Variants in CP observed in about 807,000 individuals in gnomAD.
CP encodes caeruloplasmin.
In CP, 64 loss-of-function variants were observed where a neutral mutation model predicts 122.4. The ratio of observed to expected loss-of-function variants is 0.52; its 90% CI spans 0.43 to 0.64. The LOEUF is 0.64. CP is among the 30% of genes least tolerant of loss of function. The pLI is 0.00. For missense variants in CP, 1,167 were observed against 1,284.4 expected (o/e 0.91, Z 1.40); for synonymous variants, 440 against 436.4 (o/e 1.01, Z -0.10).
At chr3:149,162,776 G>A in exon 6 of CP, 1 of 1,613,830 alleles carries the variant, frequency 6.2e-7, no homozygotes, top group East Asian at 2.2e-5. Context: ...TCCCAGATGT[G>A]GTACTTCAGG....
In CP at chr3:149,181,987, C is replaced by CGGGGGGGGGGG; in HGVS notation, c.2554+17_2554+18insCCCCCCCCCCC. 1 of 610,076 alleles carries CGGGGGGGGGGG rather than the reference C, an allele frequency of 1.6e-6. No homozygotes were observed. Among genetic ancestry groups the CGGGGGGGGGGG allele is most frequent in the Non-Finnish European group, 3.0e-6 (1 of 338,226 alleles). The allele number at this position is 610,076 out of a possible 1,614,324, so 37.8% of individuals were successfully genotyped here. A position where few individuals can be genotyped will look rare whatever the true frequency, so the allele number is the denominator to read the frequency against. Reference sequence around the variant, plus strand: ...GCCTGTTAAAATGCACCACCCCCACCCCCGCCCCCGTGAGTACCTGGTAAT... The same window carrying CGGGGGGGGGGG: ...GCCTGTTAAAATGCACCACCCCCACCGGGGGGGGGGGCCCGCCCCCGTGAGTACCTGGTAAT... On this transcript the variant is annotated intron_variant, in intron 14 of 18. Transcript: ENST00000264613.
At chr3:149,209,102 G>T in intron 4 of CP, 109 bp downstream of exon 4, 1 of 1,380,918 alleles carries the variant, frequency 7.2e-7, no homozygotes, top group Non-Finnish European at 1.0e-6. Context: ...TTTGTTATAA[G>T]GACCACAGAC....
chr3:149,168,219 A>G, downstream of CP: 1 of 472,426 alleles, frequency 2.1e-6, no homozygotes, highest in East Asian at 3.9e-5. Context: ...TTAACAAATT[A>G]TCACAGTCAT....
At chr3:149,167,827 AT>A (rs1191023442), downstream of CP, 4 of 959,100 alleles carry the variant, frequency 4.2e-6, no homozygotes, top group East Asian at 9.6e-5. Flanking sequence ...CAATCTTCTT[AT>A]TCTCCTTTGA....
chr3:149,186,526 T>C lies in CP; in HGVS notation c.2071A>G (p.Thr691Ala), dbSNP rs895649892. 2 of 1,614,176 alleles carry C rather than the reference T, an allele frequency of 1.2e-6. No homozygotes were observed. Among genetic ancestry groups the C allele is most frequent in the African/African-American group, 2.7e-5 (2 of 75,064 alleles). Residue 691 changes from threonine (T) to alanine (A), a missense_variant, in exon 11 of 19, where the codon ACA becomes GCA. This residue lies in a region of CP where 525 missense variants were observed against 657.2 expected (regional missense o/e 0.80). Coordinates refer to ENST00000264613, the MANE Select transcript of CP (RefSeq NM_000096.4). Reference sequence around the variant, plus strand: ...TGGCTTTAAGTAAATATACCCTCTGTGTCAGGCCACATGTGGAGCGTAAGA... The same window carrying C: ...TGGCTTTAAGTAAATATACCCTCTGCGTCAGGCCACATGTGGAGCGTAAGA... ...TSLTLHMWPD[T>A]EGTFNVECLT...
chr3:149,209,162 T>C lies in CP; in HGVS notation c.781+49A>G, dbSNP rs1029532015. 4.3e-6 allele frequency: 7 copies of C among 1,609,656 alleles called. No individual in the cohort carries two copies. In the African/African-American group the frequency reaches 5.3e-5, roughly 12 times the overall value. On this transcript the variant is annotated intron_variant, in intron 4 of 18. Transcript: ENST00000264613. The stretch of plus-strand genomic sequence containing the variant: ...GAGGGAATAAGCTTAGCAGAATTAA[T>C]GGATCAAGGGAAAAAAAAGTAAAGT...
intron 14 of CP, 30 bp downstream of exon 14, chr3:149,181,975 C>CTGGGGGGGGGGGGGGGGG: frequency 9.2e-7 from 1 of 1,088,426 alleles, no homozygotes; most frequent in Non-Finnish European, 1.4e-6. Flanking sequence ...TGTTAAAATG[C>CTGGGGGGGGGGGGGGGGG]ACCACCCCCA....
Position 149,202,174 on chromosome 3 carries a change from G to A in CP, c.1276C>T (p.Arg426Cys), listed in dbSNP as rs2108277971. The change falls in exon 7 of 19, where the codon CGT becomes TGT. Residue 426 changes from arginine (R) to cysteine (C), a missense_variant. Physicochemically the swap from Arg to Cys is radical, Grantham distance 180. This residue lies in a region of CP where 642 missense variants were observed against 627.3 expected (regional missense o/e 1.02). Transcript: ENST00000264613. ...IGGSYKKLVY[R>C]EYTDASFTNR... Reference sequence around the variant, plus strand: ...GTGAAGGAGGCATCTGTGTACTCACGATAAACCAGCTTTTTATAAGAGCCT... The same window carrying A: ...GTGAAGGAGGCATCTGTGTACTCACAATAAACCAGCTTTTTATAAGAGCCT... 6 of 1,614,112 alleles carry A rather than the reference G, an allele frequency of 3.7e-6. No homozygotes were observed. The highest frequency in any genetic ancestry group is 2.2e-5 in the East Asian group (1 of 44,880).
chr3:149,204,747 G>A (rs1425521458), intron 6 of CP, among the ~76,000 whole-genome samples: 5 of 152,168 alleles, frequency 3.3e-5, no homozygotes, highest in African/African-American at 4.8e-5. Flanking sequence ...TTGGAGCAGG[G>A]GAGTGGCATC....
intron 3 of CP, among the ~76,000 whole-genome samples, 175 bp downstream of exon 3, chr3:149,209,992 T>G (rs74387192): frequency 1.1e-3 from 172 of 152,276 alleles, no homozygotes; most frequent in African/African-American, 3.9e-3. Flanking sequence ...GCTTGTTCTA[T>G]TTATCCCTTC....
At position 149,215,016 on chromosome 3, in the gene CP, T is replaced by C. The variant is rs115569504; in HGVS notation, c.147-2318A>G. On this transcript the variant is annotated intron_variant, in intron 1 of 18. Transcript: ENST00000264613. Reference sequence around the variant, plus strand: ...ACAGAGACTTGTCTAAGCCCCAGGGTAAATTTTCTTAAGAGTCTGAACACA... The same window carrying C: ...ACAGAGACTTGTCTAAGCCCCAGGGCAAATTTTCTTAAGAGTCTGAACACA... 8.6e-3 allele frequency among the ~76,000 whole-genome samples: 1,308 copies of C among 152,288 alleles called. 9 individuals are homozygous for C. Among genetic ancestry groups the C allele is most frequent in the Non-Finnish European group, 0.015 (1,018 of 68,016 alleles).
chr3:149,192,541 A>G (rs939550137), intron 9 of CP, among the ~76,000 whole-genome samples: 3 of 151,858 alleles, frequency 2.0e-5, no homozygotes, highest in Admixed American at 1.3e-4. Context: ...GAAAACAGCT[A>G]TATTGTCACA....
chr3:149,198,516 G>C lies in CP; in HGVS notation c.1564C>G (p.Pro522Ala). 1 of 1,614,094 alleles carries C rather than the reference G, an allele frequency of 6.2e-7. No homozygotes were observed. Among genetic ancestry groups the C allele is most frequent in the Non-Finnish European group, 8.5e-7 (1 of 1,180,002 alleles). Residue 522 changes from proline to alanine, a missense_variant, in exon 9 of 19, where the codon CCC (proline) becomes GCC (alanine). Transcript: ENST00000264613. Reference sequence around the variant, plus strand: ...GCATTAGTGGGTCCTACTTCTTTGGGGACAGTCCATTCATAGGTGAATGTT... The same window carrying C: ...GCATTAGTGGGTCCTACTTCTTTGGCGACAGTCCATTCATAGGTGAATGTT... ...TETFTYEWTV[P>A]KEVGPTNADP...
rs1444875443 is a variant in CP at position 149,210,204 on chromosome 3, G to C, written c.570C>G (p.Ala190=). ...TTATTAAAGGTCCGATGAGTCCTGAGGCAATATCTTTTGGAGCATCAATGT... is the reference window on the plus strand; with the variant it reads ...TTATTAAAGGTCCGATGAGTCCTGACGCAATATCTTTTGGAGCATCAATGT... ...HSHIDAPKDI[A]SGLIGPLIIC... Residue 190 remains alanine, a synonymous_variant, in exon 3 of 19, where the codon GCC becomes GCG. Transcript: ENST00000264613. 6.2e-7 allele frequency: 1 copy of C among 1,614,000 alleles called. No individual in the cohort carries two copies. Among genetic ancestry groups the C allele is most frequent in the South Asian group, 1.1e-5 (1 of 91,076 alleles).
intron 1 of CP, among the ~76,000 whole-genome samples, chr3:149,217,474 C>A (rs529497422): frequency 6.6e-6 from 1 of 152,118 alleles, no homozygotes; most frequent in African/African-American, 2.4e-5. Flanking sequence ...AATCAGAAGC[C>A]GCCAACTAAC....
At chr3:149,219,747 G>A (rs1728690840) in intron 1 of CP, among the ~76,000 whole-genome samples, 1 of 152,176 alleles carries the variant, frequency 6.6e-6, no homozygotes, top group Non-Finnish European at 1.5e-5. Context: ...AAATGTGAAA[G>A]TGACTTTGGA....
intron 9 of CP, among the ~76,000 whole-genome samples, chr3:149,193,431 G>GT (rs1451424528): frequency 2.0e-5 from 3 of 152,076 alleles, no homozygotes; most frequent in African/African-American, 7.2e-5. Context: ...TAAGGCTGAA[G>GT]TTTTTTTAAT....
intron 2 of CP, among the ~76,000 whole-genome samples, chr3:149,211,378 T>A (rs1169721108): frequency 6.6e-6 from 1 of 152,188 alleles, no homozygotes; most frequent in African/African-American, 2.4e-5. Flanking sequence ...AGAACTTAAG[T>A]AATTTGTCCA....
At chr3:149,195,653 A>G (rs1028448668) in intron 9 of CP, among the ~76,000 whole-genome samples, 4 of 152,212 alleles carry the variant, frequency 2.6e-5, no homozygotes, top group African/African-American at 7.2e-5. Flanking sequence ...TCACGAGGTT[A>G]GGAGATCAAG....
Sources: allele counts gnomAD v4.1 joint callset (sites outside exome capture counted in the v4.1 genomes callset), GRCh38; gene constraint gnomAD v4.1.1; regional missense constraint gnomAD v4.1.1; transcripts MANE v1.5; gene names NCBI Gene and HGNC (gene_info 2026-07-23, HGNC 2026-07-21).